The following ADAMTSL1 variants were observed in gnomAD, a reference collection of about 807,000 sequenced individuals.
The protein encoded by ADAMTSL1 is ADAMTS-like protein 1.
Under a neutral mutation model 201.8 loss-of-function variants are expected in ADAMTSL1, and 126 were observed. The ratio of observed to expected loss-of-function variants is 0.62; its 90% CI spans 0.54 to 0.72. ADAMTSL1 has a LOEUF of 0.72. Among genes scored for constraint, ADAMTSL1 ranks in the 30% least tolerant of loss-of-function variants. ADAMTSL1 has a pLI of 0.00. For missense variants in ADAMTSL1, 2,679 were observed against 2,277.8 expected (o/e 1.18, Z -3.59); for synonymous variants, 1,121 against 903.4 (o/e 1.24, Z -4.32).
rs1476831778 is a variant in ADAMTSL1, at chr9:18,541,347, TA to T, written c.237+8060del. Among the ~76,000 whole-genome samples the T allele has an allele frequency of 6.6e-5, 10 of 152,178 alleles. No individual in the cohort carries two copies. In the East Asian group the frequency reaches 1.9e-3, roughly 29 times the overall value. On this transcript the variant is annotated intron_variant, in intron 3 of 28. Coordinates refer to ENST00000380548, the MANE Select transcript of ADAMTSL1 (RefSeq NM_001040272.6). Reference sequence around the variant, plus strand: ...CAACATGGTGAAACACCGTCTCTACTAAAAATATAAAAATTATCTTGATGTT... The same window carrying T: ...CAACATGGTGAAACACCGTCTCTACTAAAATATAAAAATTATCTTGATGTT...
At chr9:18,077,844 G>A (rs1056684696) in intron 1 of ADAMTSL1, among the ~76,000 whole-genome samples, 2 of 152,188 alleles carry the variant, frequency 1.3e-5, no homozygotes, top group African/African-American at 4.8e-5. Flanking sequence ...GAGAGATGGA[G>A]AGGGGCTAGC....
intron 2 of ADAMTSL1, among the ~76,000 whole-genome samples, chr9:18,379,653 G>A (rs2133173318): frequency 6.6e-6 from 1 of 152,284 alleles, no homozygotes; most frequent in South Asian, 2.1e-4. Context: ...AGGCTCTCCA[G>A]GCTGTCTTTA....
chr9:18,031,640 C>T (rs1266255150), intron 1 of ADAMTSL1, among the ~76,000 whole-genome samples: 1 of 152,160 alleles, frequency 6.6e-6, no homozygotes, highest in African/African-American at 2.4e-5. Flanking sequence ...GATACCTGCC[C>T]CCACCCACCC....
At chr9:18,226,647 C>T (rs756300061) in intron 2 of ADAMTSL1, among the ~76,000 whole-genome samples, 9 of 152,026 alleles carry the variant, frequency 5.9e-5, no homozygotes, top group Non-Finnish European at 8.8e-5. Context: ...TTACCTTAGC[C>T]TGGTGTTTGA....
rs1391928390 is a variant in ADAMTSL1, at chr9:18,487,682, AG to A, written c.63+13389del. Among the ~76,000 whole-genome samples the A allele has an allele frequency of 2.6e-5, 4 of 152,324 alleles. No individual in the cohort carries two copies. The East Asian group carries it at 7.7e-4, about 29-fold the overall frequency. On this transcript the variant is annotated intron_variant, in intron 1 of 28. Coordinates refer to ENST00000380548, the MANE Select transcript of ADAMTSL1 (RefSeq NM_001040272.6). The stretch of plus-strand genomic sequence containing the variant: ...AGAAAACTGAGTACCAAAACCTAAA[AG>A]GTGTTATGAATTTCCTAACTTTTCA...
chr9:18,817,151 C>T lies in ADAMTSL1; in HGVS notation c.3848C>T (p.Thr1283Met), dbSNP rs572679217. Reference protein sequence around the residue: ...VKTSRMTVINTEKPAVTVDIG... With the variant: ...VKTSRMTVINMEKPAVTVDIG... Reference sequence around the variant, plus strand: ...ACGTCACGAATGACAGTGATCAACACGGAGAAGCCTGCAGTCACAGTCGAT... The same window carrying T: ...ACGTCACGAATGACAGTGATCAACATGGAGAAGCCTGCAGTCACAGTCGAT... The change falls in exon 21 of 29, where the codon ACG (threonine) becomes ATG (methionine). Residue 1283 changes from threonine to methionine, a missense_variant. By Grantham distance (81) the Thr-to-Met change is moderately conservative. Transcript: ENST00000380548. 25 of 1,601,768 alleles carry T rather than the reference C, an allele frequency of 1.6e-5. No homozygotes were observed. In the East Asian group the frequency reaches 4.0e-4, roughly 26 times the overall value.
At chr9:18,049,665 C>T (rs1586947897) in intron 1 of ADAMTSL1, among the ~76,000 whole-genome samples, 2 of 151,804 alleles carry the variant, frequency 1.3e-5, no homozygotes, top group East Asian at 3.9e-4. Flanking sequence ...GCTCAGTCAC[C>T]CAGGCTGCAG....
chr9:18,788,044 A>C (rs1821803340), intron 19 of ADAMTSL1, among the ~76,000 whole-genome samples: 1 of 152,200 alleles, frequency 6.6e-6, no homozygotes, highest in South Asian at 2.1e-4. Flanking sequence ...CTATACTTCC[A>C]TCTGAGCAAT....
At chr9:18,600,472 A>C (rs13301913) in intron 4 of ADAMTSL1, among the ~76,000 whole-genome samples, 9,069 of 152,268 alleles carry the variant, frequency 0.06, 357 homozygotes, top group Non-Finnish European at 0.091. Context: ...TCATAGAATT[A>C]TACTTCCCTC....
At chr9:18,459,842 A>T (rs940345353) in intron 2 of ADAMTSL1, among the ~76,000 whole-genome samples, 4 of 152,208 alleles carry the variant, frequency 2.6e-5, no homozygotes, top group African/African-American at 9.7e-5. Context: ...TTTAAACCAC[A>T]CAAGAATAAT....
chr9:18,212,258 G>C (rs1301735011), intron 2 of ADAMTSL1, among the ~76,000 whole-genome samples: 1 of 152,160 alleles, frequency 6.6e-6, no homozygotes, highest in Non-Finnish European at 1.5e-5. Context: ...CAAACTCAAA[G>C]TCTCTGTGGT....
chr9:18,906,232 C>T (rs1188988196), intron 27 of ADAMTSL1, among the ~76,000 whole-genome samples: 1 of 152,206 alleles, frequency 6.6e-6, no homozygotes, highest in Non-Finnish European at 1.5e-5. Context: ...CTCAAAGGCT[C>T]AAGCCCCTCA....
intron 1 of ADAMTSL1, among the ~76,000 whole-genome samples, chr9:18,026,740 C>A (rs1586913790): frequency 6.6e-6 from 1 of 151,986 alleles, no homozygotes; most frequent in African/African-American, 2.4e-5. Flanking sequence ...AGAGAGGAGT[C>A]CCTCCTCCTC....
At chr9:18,261,858 A>G (rs1008152872) in intron 2 of ADAMTSL1, among the ~76,000 whole-genome samples, 4 of 152,218 alleles carry the variant, frequency 2.6e-5, no homozygotes, top group Non-Finnish European at 4.4e-5. Flanking sequence ...ATGGAAAAAT[A>G]TTCTTTGTGG....
At chr9:18,848,144 G>C (rs1276595686) in intron 23 of ADAMTSL1, among the ~76,000 whole-genome samples, 1 of 152,206 alleles carries the variant, frequency 6.6e-6, no homozygotes, top group Non-Finnish European at 1.5e-5. Flanking sequence ...CTGCAGGCAT[G>C]TGCCTGGCCA....
chr9:18,888,624 A>G (rs1370005273), intron 24 of ADAMTSL1, among the ~76,000 whole-genome samples: 1 of 152,208 alleles, frequency 6.6e-6, no homozygotes, highest in African/African-American at 2.4e-5. Flanking sequence ...CCTTCACTGC[A>G]CCAAGAAAGA....
At position 18,212,714 on chromosome 9, in the gene ADAMTSL1, G is replaced by A. The variant is rs550729387; in HGVS notation, c.207+48733G>A. ...CATCATAGCTTTCCCACAATGTGTAGTTAGAGTTTGAGTTGTCTTCCATTC... is the reference window on the plus strand; with the variant it reads ...CATCATAGCTTTCCCACAATGTGTAATTAGAGTTTGAGTTGTCTTCCATTC... On this transcript the variant is annotated intron_variant, in intron 2 of 29. Transcript: ENST00000680146. Among the ~76,000 whole-genome samples, 105 of 152,262 alleles carry A rather than the reference G, an allele frequency of 6.9e-4. 1 individual carries two copies. Among genetic ancestry groups the A allele is most frequent in the African/African-American group, 2.5e-3 (104 of 41,554 alleles).
chr9:18,166,924 G>A (rs759359626), intron 2 of ADAMTSL1, among the ~76,000 whole-genome samples: 10 of 151,828 alleles, frequency 6.6e-5, no homozygotes, highest in Non-Finnish European at 1.0e-4. Flanking sequence ...ACCTATTGGC[G>A]TGAATTAACT....
At chr9:18,188,457 G>T (rs1828831765) in intron 2 of ADAMTSL1, among the ~76,000 whole-genome samples, 1 of 152,078 alleles carries the variant, frequency 6.6e-6, no homozygotes, top group Non-Finnish European at 1.5e-5. Context: ...GACGCTATCT[G>T]GGAACATAAT....
Sources: gnomAD v4.1 joint callset for allele counts (sites outside exome capture counted in the v4.1 genomes callset) on GRCh38, gnomAD v4.1.1 for gene constraint, MANE v1.5 for transcripts, NCBI Gene and HGNC (gene_info 2026-07-23, HGNC 2026-07-21) for gene names.